Variants in GALNTL6 observed in about 807,000 individuals in gnomAD.
GALNTL6 encodes polypeptide N-acetylgalactosaminyltransferase-like 6.
In GALNTL6, 46 loss-of-function variants were observed where a neutral mutation model predicts 73.7. That is an observed-to-expected ratio of 0.62 (90% CI 0.49 to 0.80). GALNTL6 has a LOEUF of 0.80. Ranked by LOEUF, GALNTL6 falls within the 30% of genes least tolerant of loss-of-function variation. The pLI, the probability that GALNTL6 is intolerant of heterozygous loss-of-function variation, is 0.00. For missense variants in GALNTL6, 604 were observed against 755.0 expected (o/e 0.80, Z 2.34); for synonymous variants, 259 against 263.7 (o/e 0.98, Z 0.17).
chr4:172,599,356 G>A (rs1737970653), intron 5 of GALNTL6, among the ~76,000 whole-genome samples: 1 of 151,718 alleles, frequency 6.6e-6, no homozygotes, highest in Non-Finnish European at 1.5e-5. Flanking sequence ...GATCATGGGG[G>A]GCATTTAAAA....
chr4:172,727,422 CTAA>C (rs1735883741), intron 5 of GALNTL6, among the ~76,000 whole-genome samples: 1 of 152,134 alleles, frequency 6.6e-6, no homozygotes. Context: ...CTCAGATTCA[CTAA>C]TGAGCAAATA....
At position 173,023,362 on chromosome 4, in the gene GALNTL6, C is replaced by T. The variant is rs181907095; in HGVS notation, c.1638+1737C>T. The stretch of plus-strand genomic sequence containing the variant: ...GTTGTGGCTGTGTCTAGCAAAATTA[C>T]AAAACATCAGTTGAGCCGAGCACAG... On this transcript the variant is annotated intron_variant, in intron 12 of 12. Coordinates refer to ENST00000506823, the MANE Select transcript of GALNTL6 (RefSeq NM_001034845.3). Among the ~76,000 whole-genome samples the T allele has an allele frequency of 3.4e-3, 517 of 152,156 alleles. 4 individuals carry two copies. Among genetic ancestry groups the T allele is most frequent in the Non-Finnish European group, 6.1e-3 (416 of 67,990 alleles).
chr4:172,726,531 T>C (rs1329893612), intron 5 of GALNTL6, among the ~76,000 whole-genome samples: 3 of 152,210 alleles, frequency 2.0e-5, no homozygotes, highest in African/African-American at 7.2e-5. Flanking sequence ...TTTTTGGCTA[T>C]TACTATAACT....
At chr4:172,153,466 T>C (rs1435212600) in intron 2 of GALNTL6, among the ~76,000 whole-genome samples, 1 of 152,224 alleles carries the variant, frequency 6.6e-6, no homozygotes, top group Non-Finnish European at 1.5e-5. Context: ...TCAGTAAATA[T>C]TTGCAACTTC....
chr4:171,944,260 T>A lies in GALNTL6; in HGVS notation c.138+129542T>A, dbSNP rs1171785939. On this transcript the variant is annotated intron_variant, in intron 2 of 12. Transcript: ENST00000506823. The stretch of plus-strand genomic sequence containing the variant: ...CTTATTAATTGTAGCTTTCTATATT[T>A]TAGGGAAAACATTCAGATGCAACAT... Among the ~76,000 whole-genome samples the A allele has an allele frequency of 4.6e-5, 7 of 152,160 alleles. No individual in the cohort carries two copies. In the East Asian group the frequency reaches 1.4e-3, roughly 29 times the overall value.
chr4:171,857,218 A>G (rs1264097751), intron 2 of GALNTL6, among the ~76,000 whole-genome samples: 1 of 152,138 alleles, frequency 6.6e-6, no homozygotes, highest in Non-Finnish European at 1.5e-5. Context: ...AACTCTAATG[A>G]TATTTTCTAT....
rs949617225 is a variant in GALNTL6, at chr4:172,901,657, A to T, written c.1041+18750A>T. ...TCATTTCACTAAAGTGTATGACAAAACTTCATGGCCGAACGAAAAAAATTC... is the reference window on the plus strand; with the variant it reads ...TCATTTCACTAAAGTGTATGACAAATCTTCATGGCCGAACGAAAAAAATTC... On this transcript the variant is annotated intron_variant, in intron 8 of 12. Coordinates refer to ENST00000506823, the MANE Select transcript of GALNTL6 (RefSeq NM_001034845.3). Among the ~76,000 whole-genome samples the T allele has an allele frequency of 2.0e-5, 3 of 152,158 alleles. No individual in the cohort carries two copies. In the East Asian group the frequency reaches 5.8e-4, roughly 29 times the overall value.
At chr4:172,714,454 T>C (rs1053731798) in intron 5 of GALNTL6, among the ~76,000 whole-genome samples, 5 of 152,104 alleles carry the variant, frequency 3.3e-5, no homozygotes, top group African/African-American at 1.2e-4. Flanking sequence ...AATACCTACC[T>C]GACAGAGTAA....
chr4:172,408,718 C>T (rs1335766887), intron 5 of GALNTL6, among the ~76,000 whole-genome samples: 1 of 151,880 alleles, frequency 6.6e-6, no homozygotes, highest in East Asian at 1.9e-4. Flanking sequence ...GGAAATACTC[C>T]TCTGTTGTTG....
At chr4:172,860,468 C>G (rs1744338804) in intron 7 of GALNTL6, among the ~76,000 whole-genome samples, 2 of 151,978 alleles carry the variant, frequency 1.3e-5, no homozygotes, top group South Asian at 4.2e-4. Flanking sequence ...TATTTCACAA[C>G]AACAAAAAAG....
At chr4:172,199,740 A>AT (rs561306407) in intron 2 of GALNTL6, among the ~76,000 whole-genome samples, 6,138 of 152,060 alleles carry the variant, frequency 0.04, 386 homozygotes, top group African/African-American at 0.14. Context: ...ACTTTGAAAG[A>AT]TTTTTTGTTG....
At chr4:172,373,265 T>A (rs1187239766) in intron 5 of GALNTL6, among the ~76,000 whole-genome samples, 1 of 152,166 alleles carries the variant, frequency 6.6e-6, no homozygotes, top group Non-Finnish European at 1.5e-5. Context: ...TGCAGGGGAA[T>A]ACAGAAGAAG....
At chr4:172,056,916 A>T (rs1266784212) in intron 2 of GALNTL6, among the ~76,000 whole-genome samples, 1 of 152,118 alleles carries the variant, frequency 6.6e-6, no homozygotes, top group Non-Finnish European at 1.5e-5. Context: ...TTTTAAAAAC[A>T]TTACAAATAT....
intron 4 of GALNTL6, among the ~76,000 whole-genome samples, chr4:172,338,814 G>A (rs1741439733): frequency 6.6e-6 from 1 of 152,158 alleles, no homozygotes; most frequent in Non-Finnish European, 1.5e-5. Context: ...AATTGAGGGC[G>A]CAGCCACCAA....
At chr4:171,905,025 A>G (rs1264515834) in intron 2 of GALNTL6, among the ~76,000 whole-genome samples, 2 of 152,226 alleles carry the variant, frequency 1.3e-5, no homozygotes, top group Non-Finnish European at 2.9e-5. Context: ...AACCGATACG[A>G]GCCACTGCAA....
At chr4:171,874,033 T>G (rs1736207451) in intron 2 of GALNTL6, among the ~76,000 whole-genome samples, 1 of 152,192 alleles carries the variant, frequency 6.6e-6, no homozygotes. Context: ...TCTCTTTTTA[T>G]TCATGTCTTT....
chr4:172,456,192 A>G (rs1404183862), intron 5 of GALNTL6, among the ~76,000 whole-genome samples: 2 of 152,128 alleles, frequency 1.3e-5, no homozygotes, highest in African/African-American at 4.8e-5. Flanking sequence ...AAAACCATCC[A>G]AAGGTCACCA....
At chr4:172,122,180 A>C (rs1733169730) in intron 2 of GALNTL6, among the ~76,000 whole-genome samples, 3 of 151,734 alleles carry the variant, frequency 2.0e-5, no homozygotes, top group Non-Finnish European at 4.4e-5. Flanking sequence ...AAATATTGCC[A>C]TACTCACCCA....
At chr4:173,002,381 T>C (rs1321800029) in intron 10 of GALNTL6, among the ~76,000 whole-genome samples, 1 of 151,278 alleles carries the variant, frequency 6.6e-6, no homozygotes. Flanking sequence ...AGAGTGAGAC[T>C]CCATCTCAAG....
Sources: gnomAD v4.1 joint callset for allele counts (sites outside exome capture counted in the v4.1 genomes callset) on GRCh38, gnomAD v4.1.1 for gene constraint, MANE v1.5 for transcripts, NCBI Gene and HGNC (gene_info 2026-07-23, HGNC 2026-07-21) for gene names.